Variants in PCDH15 observed in about 807,000 individuals in gnomAD.
PCDH15 encodes protocadherin-15.
In PCDH15, 129 loss-of-function variants were observed where a neutral mutation model predicts 178.5. The observed-to-expected ratio is 0.72, with a 90% CI of 0.63 to 0.84. The LOEUF (loss-of-function observed/expected upper bound fraction) is 0.84, where lower values mean the gene tolerates loss of function less well. PCDH15 is among the 40% of genes least tolerant of loss of function. The probability of loss-of-function intolerance (pLI) is 0.00; values close to 1 mark genes in which losing one functional copy is unlikely to be tolerated. For synonymous variants in PCDH15, 800 were observed against 732.0 expected, an observed-to-expected ratio of 1.09 and a Z score of -1.50; for missense variants, 2,230 against 2,099.9, an observed-to-expected ratio of 1.06 and a Z score of -1.21.
intron 28 of PCDH15, among the ~76,000 whole-genome samples, chr10:53,856,131 G>T (rs983899679): frequency 6.6e-6 from 1 of 151,330 alleles, no homozygotes; most frequent in East Asian, 2.0e-4. Flanking sequence ...CAGGGGAAAG[G>T]GTGGGATGGA....
chr10:54,369,562 C>T (rs890099613), intron 4 of PCDH15, among the ~76,000 whole-genome samples: 12 of 151,894 alleles, frequency 7.9e-5, no homozygotes, highest in African/African-American at 1.2e-4. Flanking sequence ...TGGGATTAAA[C>T]GAAGTTTGCC....
chr10:55,562,622 T>C (rs753777573), intron 2 of PCDH15, among the ~76,000 whole-genome samples: 13 of 152,106 alleles, frequency 8.5e-5, no homozygotes, highest in African/African-American at 1.4e-4. Context: ...AATTAAAAGA[T>C]ATGAAATCAA....
chr10:55,207,599 AT>A (rs1418588958), intron 1 of PCDH15, among the ~76,000 whole-genome samples: 2 of 152,100 alleles, frequency 1.3e-5, no homozygotes, highest in East Asian at 3.9e-4. Flanking sequence ...ATAGCTAAGC[AT>A]TTTTCTACTC....
chr10:55,312,362 A>G (rs1190764645), intron 1 of PCDH15, among the ~76,000 whole-genome samples: 1 of 152,188 alleles, frequency 6.6e-6, no homozygotes, highest in Non-Finnish European at 1.5e-5. Context: ...AATATTTTGC[A>G]TTGCCTAAGA....
intron 2 of PCDH15, among the ~76,000 whole-genome samples, chr10:55,561,882 G>T (rs1051985666): frequency 1.3e-5 from 2 of 151,870 alleles, no homozygotes; most frequent in East Asian, 3.9e-4. Flanking sequence ...GCTAGTAATA[G>T]AGACTGCCCC....
chr10:55,307,629 CCTCT>C lies in PCDH15; in HGVS notation c.-156+11966_-156+11969del, dbSNP rs1397594978. On this transcript the variant is annotated intron_variant, in intron 1 of 5. Coordinates refer to the PCDH15 transcript ENST00000458638. ...TACTTTCTTCTTCTCTCTCTCTCTG[CCTCT>C]CTATTTTTTTCTTTTTCCTTATTGT... 7.3e-5 allele frequency among the ~76,000 whole-genome samples: 11 copies of C among 151,154 alleles called. No individual in the cohort carries two copies. The East Asian group carries it at 9.7e-4, about 13-fold the overall frequency.
At chr10:54,554,230 T>C (rs2086922443) in intron 2 of PCDH15, among the ~76,000 whole-genome samples, 1 of 152,130 alleles carries the variant, frequency 6.6e-6, no homozygotes, top group Admixed American at 6.6e-5. Context: ...TTACACAACC[T>C]GAGTTTCACA....
Position 54,873,488 on chromosome 10 carries a change from T to A in PCDH15, c.-29+23962A>T, listed in dbSNP as rs553178115. On this transcript the variant is annotated intron_variant, in intron 3 of 5. Transcript: ENST00000458638. ...ACTGCTGTATTTTATATATATATAATATATATACGTGTATGTATATATATA... is the reference window on the plus strand; with the variant it reads ...ACTGCTGTATTTTATATATATATAAAATATATACGTGTATGTATATATATA... Among the ~76,000 whole-genome samples the A allele has an allele frequency of 1.3e-4, 20 of 148,652 alleles. No individual in the cohort carries two copies. In the South Asian group the frequency reaches 4.2e-3, roughly 31 times the overall value.
At chr10:54,160,555 TA>T (rs746823308) in intron 13 of PCDH15, among the ~76,000 whole-genome samples, 19 of 152,064 alleles carry the variant, frequency 1.2e-4, no homozygotes, top group Non-Finnish European at 2.1e-4. Flanking sequence ...CAATAAAAAA[TA>T]AACTTCCTAA....
intron 37 of PCDH15, chr10:53,809,675 G>A: frequency 2.3e-6 from 2 of 887,850 alleles, no homozygotes; most frequent in African/African-American, 1.7e-5. Flanking sequence ...ACTGGCTTAA[G>A]AAAATAATCA....
intron 1 of PCDH15, among the ~76,000 whole-genome samples, chr10:55,210,245 A>T (rs1005780259): frequency 2.0e-5 from 3 of 152,086 alleles, no homozygotes; most frequent in African/African-American, 7.3e-5. Flanking sequence ...GGACAGAGTC[A>T]TGGGGCCACG....
chr10:55,156,007 A>C (rs1015186179), intron 2 of PCDH15, among the ~76,000 whole-genome samples: 2 of 152,124 alleles, frequency 1.3e-5, no homozygotes, highest in African/African-American at 4.8e-5. Context: ...AGACCTGCAA[A>C]TGGATGGCAA....
At chr10:54,193,536 CA>C (rs966100196) in intron 11 of PCDH15, among the ~76,000 whole-genome samples, 75 of 152,166 alleles carry the variant, frequency 4.9e-4, no homozygotes, top group African/African-American at 1.6e-3. Context: ...AGTAGATCTA[CA>C]AAATACATTT....
At chr10:55,175,752 CTT>C (rs900736161) in intron 1 of PCDH15, among the ~76,000 whole-genome samples, 4 of 151,442 alleles carry the variant, frequency 2.6e-5, no homozygotes, top group African/African-American at 7.3e-5. Flanking sequence ...CCACCTCAGT[CTT>C]TTATAATAGG....
intron 1 of PCDH15, among the ~76,000 whole-genome samples, chr10:55,235,906 C>CAAAAA (rs144784085): frequency 1.7e-5 from 2 of 115,636 alleles, no homozygotes; most frequent in Non-Finnish European, 3.6e-5. Flanking sequence ...GACTCCATGT[C>CAAAAA]AAAAAAAAAA....
chr10:54,602,213 T>G (rs947494165), intron 2 of PCDH15, among the ~76,000 whole-genome samples: 9 of 152,092 alleles, frequency 5.9e-5, no homozygotes, highest in Middle Eastern at 6.8e-3. Context: ...TTTCAGTGTA[T>G]GTATTTTCCT....
intron 1 of PCDH15, among the ~76,000 whole-genome samples, chr10:54,752,215 G>A (rs142606857): frequency 0.02 from 3,094 of 151,950 alleles, 97 homozygotes; most frequent in African/African-American, 0.069. Flanking sequence ...GGTGGCTCAC[G>A]CCTGTAATCC....
chr10:54,637,741 T>C (rs1452935078), intron 2 of PCDH15, among the ~76,000 whole-genome samples: 1 of 152,040 alleles, frequency 6.6e-6, no homozygotes, highest in African/African-American at 2.4e-5. Context: ...AATTAGGACA[T>C]AGAAATAATT....
At chr10:54,886,487 C>T (rs949890541) in intron 3 of PCDH15, among the ~76,000 whole-genome samples, 1 of 152,190 alleles carries the variant, frequency 6.6e-6, no homozygotes, top group African/African-American at 2.4e-5. Flanking sequence ...ATTGTTCAGG[C>T]GCAGTGGCTC....
Sources: gnomAD v4.1 joint callset for allele counts (sites outside exome capture counted in the v4.1 genomes callset) on GRCh38, gnomAD v4.1.1 for gene constraint, MANE v1.5 for transcripts, NCBI Gene and HGNC (gene_info 2026-07-23, HGNC 2026-07-21) for gene names.